Variants in GRM7 observed in about 807,000 individuals in gnomAD.
GRM7 encodes the protein glutamate metabotropic receptor 7.
Under a neutral mutation model 84.5 loss-of-function variants are expected in GRM7, and 35 were observed. The observed-to-expected ratio is 0.41, with a 90% CI of 0.32 to 0.55. GRM7 has a LOEUF of 0.55. Ranked by LOEUF, GRM7 falls within the 20% of genes least tolerant of loss-of-function variation. GRM7 has a pLI of 0.19. For synonymous variants in GRM7, 487 were observed against 455.1 expected, an observed-to-expected ratio of 1.07 and a Z score of -0.89; for missense variants, 1,003 against 1,194.6, an observed-to-expected ratio of 0.84 and a Z score of 2.36.
At chr3:7,640,372 GAATT>G (rs1341937050) in intron 8 of GRM7, among the ~76,000 whole-genome samples, 1 of 152,194 alleles carries the variant, frequency 6.6e-6, no homozygotes, top group Non-Finnish European at 1.5e-5. Context: ...TATTCTGTGA[GAATT>G]AATAGCAAAG....
chr3:7,136,973 C>T (rs1693793802), intron 1 of GRM7, among the ~76,000 whole-genome samples: 1 of 152,110 alleles, frequency 6.6e-6, no homozygotes, highest in Non-Finnish European at 1.5e-5. Context: ...CCTCTAAATT[C>T]ACTGTGCTTT....
At chr3:7,218,282 C>G (rs1429868123) in intron 2 of GRM7, among the ~76,000 whole-genome samples, 1 of 152,060 alleles carries the variant, frequency 6.6e-6, no homozygotes, top group African/African-American at 2.4e-5. Context: ...GTTTACCATT[C>G]TCAATATTTT....
At chr3:7,672,750 G>A (rs1405317935) in intron 8 of GRM7, among the ~76,000 whole-genome samples, 4 of 151,950 alleles carry the variant, frequency 2.6e-5, no homozygotes, top group Admixed American at 6.6e-5. Flanking sequence ...GACTACAGGC[G>A]CCCGCTATGG....
At chr3:7,044,495 A>G (rs948634639) in intron 1 of GRM7, among the ~76,000 whole-genome samples, 26 of 152,312 alleles carry the variant, frequency 1.7e-4, no homozygotes, top group African/African-American at 6.0e-4. Context: ...AAGTTTAAAT[A>G]TTGTGTCTCA....
intron 2 of GRM7, among the ~76,000 whole-genome samples, chr3:7,224,565 T>C (rs1339361316): frequency 6.6e-6 from 1 of 152,202 alleles, no homozygotes; most frequent in Non-Finnish European, 1.5e-5. Context: ...ACCCATGTTT[T>C]AGGTCCTATT....
intron 2 of GRM7, among the ~76,000 whole-genome samples, chr3:7,152,169 A>G (rs7623595): frequency 0.61 from 92,456 of 152,010 alleles, 30,556 homozygotes; most frequent in African/African-American, 0.88. Flanking sequence ...ATCCTCAGTG[A>G]TTAGCACAAC....
At chr3:7,607,300 T>G (rs1010493242) in intron 8 of GRM7, 1 of 143,320 alleles carries the variant, frequency 7.0e-6, no homozygotes, top group Non-Finnish European at 1.5e-5. Context: ...CAATAAGCAT[T>G]GTAGTGGTTC....
intron 2 of GRM7, among the ~76,000 whole-genome samples, chr3:7,254,753 C>T (rs985595600): frequency 6.6e-6 from 1 of 152,206 alleles, no homozygotes; most frequent in Non-Finnish European, 1.5e-5. Flanking sequence ...AGGCAAGTTG[C>T]TTAACTTCTC....
At chr3:7,284,873 G>C (rs1699375540) in intron 2 of GRM7, among the ~76,000 whole-genome samples, 1 of 151,850 alleles carries the variant, frequency 6.6e-6, no homozygotes. Context: ...AGTTCTCTGA[G>C]TTCACTTCCC....
In GRM7 at chr3:6,861,434, T is replaced by C; in HGVS notation, c.46T>C (p.Phe16Leu). 2 of 1,596,872 alleles carry C rather than the reference T, an allele frequency of 1.3e-6. No homozygotes were observed. Among genetic ancestry groups the C allele is most frequent in the Non-Finnish European group, 1.7e-6 (2 of 1,173,144 alleles). Residue 16 changes from phenylalanine (F) to leucine (L), a missense_variant, in exon 1 of 10, where the codon TTC becomes CTC. This residue lies in a region of GRM7 where 93 missense variants were observed against 68.6 expected (regional missense o/e 1.36). Transcript: ENST00000357716. The surrounding 1 kb of genome is among the most constrained non-coding windows in gnomAD (Gnocchi z 6.4). ...GCTCCGCGTCCTGACTTTGATGAAG[T>C]TCCCCTGCTGCGTGCTGGAGGTGCT... is the stretch of plus-strand genomic sequence containing the variant. ...KLLRVLTLMK[F>L]PCCVLEVLLC...
At chr3:7,695,923 G>C (rs1700997574) in intron 9 of GRM7, among the ~76,000 whole-genome samples, 1 of 152,098 alleles carries the variant, frequency 6.6e-6, no homozygotes, top group Non-Finnish European at 1.5e-5. Flanking sequence ...AAATTAATGA[G>C]AATTAAATAA....
At chr3:7,325,822 A>G (rs1379668219) in intron 4 of GRM7, among the ~76,000 whole-genome samples, 1 of 152,166 alleles carries the variant, frequency 6.6e-6, no homozygotes, top group Non-Finnish European at 1.5e-5. Flanking sequence ...CAATTAAAAC[A>G]TTGGGTATTT....
At chr3:7,097,099 T>C (rs1281056541) in intron 1 of GRM7, among the ~76,000 whole-genome samples, 2 of 152,132 alleles carry the variant, frequency 1.3e-5, no homozygotes, top group Admixed American at 6.6e-5. Flanking sequence ...TCTGTTGACA[T>C]TGAAGTCACC....
At chr3:7,513,377 C>A (rs1700275159) in intron 7 of GRM7, among the ~76,000 whole-genome samples, 1 of 152,126 alleles carries the variant, frequency 6.6e-6, no homozygotes, top group African/African-American at 2.4e-5. Context: ...AGCACTTTAA[C>A]AGTGTTACCA....
intron 1 of GRM7, among the ~76,000 whole-genome samples, chr3:6,904,237 C>T (rs879741161): frequency 6.6e-6 from 1 of 152,022 alleles, no homozygotes; most frequent in African/African-American, 2.4e-5. Flanking sequence ...TTTATTCTCT[C>T]TAAATTTTGT....
chr3:6,952,471 C>G (rs939152599), intron 1 of GRM7, among the ~76,000 whole-genome samples: 6 of 152,148 alleles, frequency 3.9e-5, no homozygotes, highest in African/African-American at 1.4e-4. Flanking sequence ...GTATTCTGTC[C>G]TATTAATTCT....
At chr3:7,334,716 G>T (rs1172211056) in intron 4 of GRM7, among the ~76,000 whole-genome samples, 1 of 151,954 alleles carries the variant, frequency 6.6e-6, no homozygotes, top group Non-Finnish European at 1.5e-5. Context: ...AAGGTAAGTG[G>T]GTTAAAAAAA....
At chr3:6,986,751 T>C (rs902826792) in intron 1 of GRM7, among the ~76,000 whole-genome samples, 7 of 152,184 alleles carry the variant, frequency 4.6e-5, no homozygotes, top group Non-Finnish European at 2.9e-5. Flanking sequence ...CAGTGGCTTC[T>C]CATTCTAAGT....
chr3:7,397,843 G>A (rs1025424497), intron 4 of GRM7, among the ~76,000 whole-genome samples: 1 of 152,062 alleles, frequency 6.6e-6, no homozygotes, highest in African/African-American at 2.4e-5. Flanking sequence ...CTAGTAGGTG[G>A]AGGCCAGAAA....
Sources: allele counts gnomAD v4.1 joint callset (sites outside exome capture counted in the v4.1 genomes callset), GRCh38; gene constraint gnomAD v4.1.1; regional missense constraint gnomAD v4.1.1; non-coding constraint Gnocchi (gnomAD v3.1); transcripts MANE v1.5; gene names NCBI Gene and HGNC (gene_info 2026-07-23, HGNC 2026-07-21).